ANO4: variants seen among roughly 807,000 people sequenced by gnomAD.
The protein encoded by ANO4 is anoctamin-4.
ANO4 carries 69 observed loss-of-function variants against 141.9 expected under a neutral mutation model. The ratio of observed to expected loss-of-function variants is 0.49; its 90% confidence interval spans 0.40 to 0.59. The LOEUF is 0.59. ANO4 is among the 20% of genes least tolerant of loss of function. The pLI is 0.00. For synonymous variants in ANO4, 350 were observed against 394.3 expected (o/e 0.89, Z 1.33); for missense variants, 894 against 1,162.2 (o/e 0.77, Z 3.36).
intron 2 of ANO4, among the ~76,000 whole-genome samples, chr12:100,919,829 A>G (rs2041549623): frequency 6.6e-6 from 1 of 151,860 alleles, no homozygotes; most frequent in Non-Finnish European, 1.5e-5. Context: ...CCTTTTCATT[A>G]TAAACGAGCA....
intron 10 of ANO4, among the ~76,000 whole-genome samples, chr12:101,039,350 CA>C (rs2047325869): frequency 6.6e-6 from 1 of 152,046 alleles, no homozygotes; most frequent in Non-Finnish European, 1.5e-5. Context: ...ACAAAAAATA[CA>C]AAAGTTAGCC....
chr12:100,895,905 C>T (rs1045333050), intron 1 of ANO4, among the ~76,000 whole-genome samples: 2 of 151,760 alleles, frequency 1.3e-5, no homozygotes, highest in Non-Finnish European at 1.5e-5. Flanking sequence ...ATTGTGTTCC[C>T]GTATACTCAT....
At chr12:101,048,525 G>A in intron 14 of ANO4, 124 bp downstream of exon 14, 2 of 791,902 alleles carry the variant, frequency 2.5e-6, no homozygotes, top group Middle Eastern at 4.7e-4. Context: ...TTTCCTATTA[G>A]TAGAAAGTTG....
intron 1 of ANO4, among the ~76,000 whole-genome samples, chr12:100,823,119 C>A (rs2036144576): frequency 6.6e-6 from 1 of 151,990 alleles, no homozygotes. Context: ...TACTTAGGTT[C>A]AATGTCATCT....
chr12:101,115,084 T>G (rs923804300), intron 24 of ANO4, among the ~76,000 whole-genome samples: 8 of 152,178 alleles, frequency 5.3e-5, no homozygotes, highest in Non-Finnish European at 4.4e-5. Context: ...ATGCCAGACT[T>G]GTTAATGAAG....
At chr12:100,771,559 A>C (rs2033302084) in intron 3 of ANO4, among the ~76,000 whole-genome samples, 1 of 152,192 alleles carries the variant, frequency 6.6e-6, no homozygotes, top group Non-Finnish European at 1.5e-5. Flanking sequence ...CATGAGGGCT[A>C]TCTCACTGCT....
chr12:100,957,742 C>T (rs568153180), intron 5 of ANO4, among the ~76,000 whole-genome samples: 9 of 152,348 alleles, frequency 5.9e-5, no homozygotes, highest in East Asian at 3.9e-4. Context: ...AGGCGTACAC[C>T]GCCAAGCCCG....
chr12:100,879,956 G>A (rs1275176283), intron 1 of ANO4, among the ~76,000 whole-genome samples: 2 of 152,176 alleles, frequency 1.3e-5, no homozygotes, highest in Non-Finnish European at 2.9e-5. Flanking sequence ...AGGATGATGA[G>A]GGTTGAGCTA....
chr12:100,757,403 T>C (rs1307611907), intron 3 of ANO4, among the ~76,000 whole-genome samples: 1 of 152,190 alleles, frequency 6.6e-6, no homozygotes, highest in African/African-American at 2.4e-5. Flanking sequence ...CCAATTGTGT[T>C]GTCTAGAGAA....
intron 2 of ANO4, among the ~76,000 whole-genome samples, chr12:100,736,472 G>A (rs2031621613): frequency 6.6e-6 from 1 of 152,152 alleles, no homozygotes; most frequent in Non-Finnish European, 1.5e-5. Context: ...TTGAGCCCAG[G>A]TCATTGGGCT....
intron 26 of ANO4, among the ~76,000 whole-genome samples, chr12:101,122,848 G>A (rs2051150111): frequency 6.6e-6 from 1 of 152,128 alleles, no homozygotes; most frequent in South Asian, 2.1e-4. Flanking sequence ...TTCTGGTTGT[G>A]TATCATCACG....
upstream of ANO4, among the ~76,000 whole-genome samples, chr12:100,791,683 CT>C (rs1319368600): frequency 2.0e-5 from 3 of 152,282 alleles, no homozygotes; most frequent in African/African-American, 7.2e-5. Flanking sequence ...GGGGGACCCC[CT>C]CCTATGTTCA....
chr12:101,042,602 A>G (rs971192259), intron 12 of ANO4, 134 bp downstream of exon 12: 7 of 1,255,690 alleles, frequency 5.6e-6, no homozygotes, highest in African/African-American at 1.5e-5. Context: ...GGAAAAACTC[A>G]AAGTTTCAGT....
intron 8 of ANO4, among the ~76,000 whole-genome samples, chr12:100,995,152 G>A (rs537076660): frequency 6.6e-6 from 1 of 152,090 alleles, no homozygotes; most frequent in Non-Finnish European, 1.5e-5. Context: ...AGGACTGCAT[G>A]GGGGTGGGGG....
chr12:100,761,490 A>G (rs185585924), intron 3 of ANO4, among the ~76,000 whole-genome samples: 97 of 152,342 alleles, frequency 6.4e-4, no homozygotes, highest in Admixed American at 1.2e-3. Flanking sequence ...CCAGAGTGGA[A>G]TCACACAGGA....
intron 1 of ANO4, among the ~76,000 whole-genome samples, chr12:100,893,826 G>C (rs1256421801): frequency 6.6e-6 from 1 of 152,054 alleles, no homozygotes; most frequent in Non-Finnish European, 1.5e-5. Context: ...GGGATTAAAA[G>C]GGAGATTCTC....
intron 1 of ANO4, among the ~76,000 whole-genome samples, chr12:100,847,423 G>C (rs1219944381): frequency 6.6e-6 from 1 of 151,318 alleles, no homozygotes; most frequent in Non-Finnish European, 1.5e-5. Context: ...TTTCATGTCA[G>C]AATTACTGTG....
chr12:100,817,483 C>T, intron 1 of ANO4, among the ~76,000 whole-genome samples: 1 of 151,758 alleles, frequency 6.6e-6, no homozygotes, highest in South Asian at 2.1e-4. Context: ...ACTAAACAGC[C>T]AACTTAGCCA....
chr12:100,926,537 A>G (rs996637894), intron 3 of ANO4, among the ~76,000 whole-genome samples: 3 of 152,126 alleles, frequency 2.0e-5, no homozygotes, highest in African/African-American at 4.8e-5. Context: ...GGTGTTCAAC[A>G]GGAAAACAAC....
Sources: allele counts gnomAD v4.1 joint callset (sites outside exome capture counted in the v4.1 genomes callset), GRCh38; gene constraint gnomAD v4.1.1; transcripts MANE v1.5; gene names NCBI Gene and HGNC (gene_info 2026-07-23, HGNC 2026-07-21).